Variants in CADM2 observed in about 807,000 individuals in gnomAD.
The protein encoded by CADM2 is immunoglobulin superfamily member 4D.
CADM2 carries 12 observed loss-of-function variants against 49.8 expected under a neutral mutation model. The observed-to-expected ratio is 0.24, with a 90% CI of 0.15 to 0.39. The LOEUF is 0.39. Among genes scored for constraint, CADM2 ranks in the 10% least tolerant of loss-of-function variants. The pLI, the probability that CADM2 is intolerant of heterozygous loss-of-function variation, is 1.00. For missense variants in CADM2, 378 were observed against 492.3 expected, an observed-to-expected ratio of 0.77 and a Z score of 2.20; for synonymous variants, 214 against 175.4, an observed-to-expected ratio of 1.22 and a Z score of -1.74.
Position 85,683,023 on chromosome 3 carries a change from G to T in CADM2, c.62-43499G>T, listed in dbSNP as rs146119723. ...TTTCTCCCCTTTATGATTAAATAAA[G>T]AAGTTATTTCACAAAAGCTTCAGGG... On this transcript the variant is annotated intron_variant, in intron 1 of 9. Coordinates refer to ENST00000383699, the MANE Select transcript of CADM2 (RefSeq NM_001167675.2). Among the ~76,000 whole-genome samples the T allele has an allele frequency of 2.2e-3, 335 of 152,094 alleles. 1 individual carries two copies. The highest frequency in any genetic ancestry group is 7.8e-3 in the African/African-American group (322 of 41,512).
At chr3:85,501,746 T>TGC (rs2040125470) in intron 1 of CADM2, among the ~76,000 whole-genome samples, 1 of 152,178 alleles carries the variant, frequency 6.6e-6, no homozygotes, top group South Asian at 2.1e-4. Context: ...CACATATATG[T>TGC]ATATCTTCGT....
At chr3:85,541,764 TA>T (rs1247358661) in intron 1 of CADM2, among the ~76,000 whole-genome samples, 1 of 14,868 alleles carries the variant, frequency 6.7e-5, no homozygotes, top group East Asian at 0.026. Context: ...TTTATATATA[TA>T]TTTTATATTT....
chr3:85,004,915 T>C (rs1367085122), intron 1 of CADM2, among the ~76,000 whole-genome samples: 3 of 152,112 alleles, frequency 2.0e-5, no homozygotes, highest in Admixed American at 1.3e-4. Flanking sequence ...AATACTGATG[T>C]CCAGAAAAGG....
chr3:85,529,680 C>A (rs2061251616), intron 1 of CADM2, among the ~76,000 whole-genome samples: 1 of 151,908 alleles, frequency 6.6e-6, no homozygotes, highest in Admixed American at 6.6e-5. Context: ...CATGTGGAGC[C>A]CCATCCTCTC....
At chr3:85,714,079 T>G (rs894472224) in intron 1 of CADM2, among the ~76,000 whole-genome samples, 4 of 152,190 alleles carry the variant, frequency 2.6e-5, no homozygotes, top group Non-Finnish European at 5.9e-5. Flanking sequence ...ATACAGAAAC[T>G]TGCCTTGCCA....
At chr3:85,150,517 G>A (rs2039887937) in intron 1 of CADM2, among the ~76,000 whole-genome samples, 2 of 152,114 alleles carry the variant, frequency 1.3e-5, no homozygotes, top group African/African-American at 4.8e-5. Flanking sequence ...TTATGAAGTA[G>A]TTAGCATACA....
At chr3:85,137,939 A>G (rs1186260576) in intron 1 of CADM2, among the ~76,000 whole-genome samples, 2 of 152,152 alleles carry the variant, frequency 1.3e-5, no homozygotes, top group Non-Finnish European at 2.9e-5. Flanking sequence ...CTTAATCTCA[A>G]TAGATATATC....
chr3:85,098,439 T>C (rs911378140), intron 1 of CADM2, among the ~76,000 whole-genome samples: 1 of 152,150 alleles, frequency 6.6e-6, no homozygotes, highest in Non-Finnish European at 1.5e-5. Context: ...GTCACCACGC[T>C]TTTTTGAACC....
At position 85,246,125 on chromosome 3, in the gene CADM2, G is replaced by A. The variant is rs557159901; in HGVS notation, c.61+286457G>A. ...ATTCTACTATGCAGCCATAAAAAAG[G>A]ATGAGTTCATGTCCTTTGTAGGTAC... is the stretch of plus-strand genomic sequence containing the variant. On this transcript the variant is annotated intron_variant, in intron 1 of 9. Coordinates refer to ENST00000383699, the MANE Select transcript of CADM2 (RefSeq NM_001167675.2). Among the ~76,000 whole-genome samples the A allele has an allele frequency of 2.0e-5, 3 of 152,220 alleles. No homozygotes were observed. The South Asian group carries it at 6.2e-4, about 32-fold the overall frequency.
intron 1 of CADM2, among the ~76,000 whole-genome samples, chr3:85,340,874 C>G (rs1276691265): frequency 1.3e-5 from 2 of 151,476 alleles, no homozygotes; most frequent in Non-Finnish European, 3.0e-5. Flanking sequence ...GTTTTATTTG[C>G]TGTTACTGAT....
chr3:85,610,184 G>A (rs910197000), intron 1 of CADM2, among the ~76,000 whole-genome samples: 2 of 151,796 alleles, frequency 1.3e-5, no homozygotes, highest in African/African-American at 4.8e-5. Flanking sequence ...TAATGACTTC[G>A]AAGAGTAAAT....
intron 8 of CADM2, among the ~76,000 whole-genome samples, chr3:86,063,716 G>A (rs927800925): frequency 6.6e-6 from 1 of 152,092 alleles, no homozygotes; most frequent in African/African-American, 2.4e-5. Flanking sequence ...AAATACAGAA[G>A]ACTCACAATC....
chr3:85,453,031 A>G (rs961582899), intron 1 of CADM2, among the ~76,000 whole-genome samples: 4 of 152,186 alleles, frequency 2.6e-5, no homozygotes, highest in Non-Finnish European at 2.9e-5. Context: ...TAACTTCTTA[A>G]AGTGTACTAC....
chr3:85,768,555 A>G (rs973029915), intron 2 of CADM2, among the ~76,000 whole-genome samples: 1 of 149,276 alleles, frequency 6.7e-6, no homozygotes, highest in African/African-American at 2.4e-5. Flanking sequence ...GGCTAAATTG[A>G]TAAGTCTACA....
chr3:85,563,400 T>TGTG (rs1444857261), intron 1 of CADM2, among the ~76,000 whole-genome samples: 25 of 144,688 alleles, frequency 1.7e-4, no homozygotes, highest in African/African-American at 5.2e-4. Flanking sequence ...CAGGGAATTT[T>TGTG]TGTGTGTGTG....
chr3:85,688,426 T>C (rs974466123), intron 1 of CADM2, among the ~76,000 whole-genome samples: 1 of 152,096 alleles, frequency 6.6e-6, no homozygotes, highest in Non-Finnish European at 1.5e-5. Flanking sequence ...TATCTGTTGT[T>C]ATACCTTAAA....
chr3:85,292,847 A>C (rs1242647135), intron 1 of CADM2, among the ~76,000 whole-genome samples: 2 of 152,188 alleles, frequency 1.3e-5, no homozygotes, highest in Non-Finnish European at 2.9e-5. Flanking sequence ...GGAAAGATCC[A>C]AAACTGACAC....
intron 1 of CADM2, among the ~76,000 whole-genome samples, chr3:85,111,185 T>C (rs2038444349): frequency 6.6e-6 from 1 of 152,012 alleles, no homozygotes; most frequent in Non-Finnish European, 1.5e-5. Context: ...AAAAACATTT[T>C]ATATGCATTT....
intron 1 of CADM2, among the ~76,000 whole-genome samples, chr3:85,264,144 T>C (rs1273620201): frequency 6.6e-6 from 1 of 152,120 alleles, no homozygotes; most frequent in Non-Finnish European, 1.5e-5. Context: ...AAGAAAATTA[T>C]GACAAGTGGC....
Sources: gnomAD v4.1 joint callset for allele counts (sites outside exome capture counted in the v4.1 genomes callset) on GRCh38, gnomAD v4.1.1 for gene constraint, MANE v1.5 for transcripts, NCBI Gene and HGNC (gene_info 2026-07-23, HGNC 2026-07-21) for gene names.